ZNF223: variants seen among roughly 807,000 people sequenced by gnomAD.
ZNF223 encodes Homo sapiens zinc finger protein 223.
In ZNF223, 9 loss-of-function variants were observed where a neutral mutation model predicts 12.3. The ratio of observed to expected loss-of-function variants is 0.73; its 90% CI spans 0.44 to 1.28. The LOEUF is 1.28. ZNF223 is among the 50% of genes most tolerant of loss of function. The pLI, the probability that ZNF223 is intolerant of heterozygous loss-of-function variation, is 0.00. For synonymous variants in ZNF223, 171 were observed against 195.2 expected, an observed-to-expected ratio of 0.88 and a Z score of 1.03; for missense variants, 506 against 579.0, an observed-to-expected ratio of 0.87 and a Z score of 1.29.
At chr19:44,053,671 C>G (rs1599866451) in intron 1 of ZNF223, among the ~76,000 whole-genome samples, 3 of 152,290 alleles carry the variant, frequency 2.0e-5, no homozygotes, top group Non-Finnish European at 4.4e-5. Context: ...TCAGCACAGA[C>G]CCCTTATGGG....
intron 4 of ZNF223, among the ~76,000 whole-genome samples, chr19:44,064,402 G>T (rs1976878854): frequency 6.6e-6 from 1 of 152,106 alleles, no homozygotes; most frequent in Non-Finnish European, 1.5e-5. Flanking sequence ...CAGAACTGCA[G>T]TTGTCTGTCT....
At chr19:44,054,073 C>T (rs1189604056) in intron 1 of ZNF223, among the ~76,000 whole-genome samples, 1 of 152,084 alleles carries the variant, frequency 6.6e-6, no homozygotes, top group Non-Finnish European at 1.5e-5. Flanking sequence ...ACAGTAACAG[C>T]CTGATCTCTT....
Position 44,060,846 on chromosome 19 carries a change from G to C in ZNF223, c.235+5G>C. The C allele has an allele frequency of 6.2e-7, 1 of 1,610,330 alleles. No homozygotes were observed. Among genetic ancestry groups the C allele is most frequent in the Non-Finnish European group, 8.5e-7 (1 of 1,177,224 alleles). On this transcript the variant is annotated splice_donor_5th_base_variant and intron_variant, in intron 4 of 4. Transcript: ENST00000434772. ...CCCAAAGGGAAGGGAATTCAGGTAA[G>C]AAGCACGCAACTGTGTGTCCTTGTT...
Position 44,060,590 on chromosome 19 carries a change from A to G in ZNF223, c.142+9A>G, listed in dbSNP as rs1362000813. ...GAACCTGCTGTCAGTGGGTGAGGAC[A>G]GGCATCTTCTATAAGGGAATGTCAG... On this transcript the variant is annotated intron_variant, in intron 3 of 4. Transcript: ENST00000434772. 1.2e-6 allele frequency: 2 copies of G among 1,613,944 alleles called. No homozygotes were observed. The highest frequency in any genetic ancestry group is 2.2e-5 in the East Asian group (1 of 44,888).
intron 4 of ZNF223, among the ~76,000 whole-genome samples, chr19:44,062,142 G>A (rs1976849550): frequency 6.6e-6 from 1 of 152,104 alleles, no homozygotes; most frequent in Non-Finnish European, 1.5e-5. Context: ...AGGAATCATG[G>A]AGCTAGCTAA....
Position 44,066,578 on chromosome 19 carries a change from T to C in ZNF223, c.750T>C (p.His250=). 1.2e-6 allele frequency: 2 copies of C among 1,614,164 alleles called. No homozygotes were observed. Among genetic ancestry groups the C allele is most frequent in the Non-Finnish European group, 1.7e-6 (2 of 1,180,026 alleles). The change falls in exon 5 of 5, where the codon CAT becomes CAC. Residue 250 remains histidine (H), a synonymous_variant. Transcript: ENST00000434772. The part of the protein sequence containing the change: ...GFRCRSALTV[H]CKLHMGEKHY... ...GATGTAGATCAGCACTTACAGTTCA[T>C]TGCAAATTACACATGGGAGAGAAAC... is the stretch of plus-strand genomic sequence containing the variant.
intron 4 of ZNF223, among the ~76,000 whole-genome samples, chr19:44,063,946 T>C (rs993858676): frequency 5.9e-5 from 9 of 152,192 alleles, no homozygotes; most frequent in African/African-American, 1.9e-4. Context: ...ATTAATATTT[T>C]CCAAGTTTCA....
Position 44,067,735 on chromosome 19 carries a change from T to G in ZNF223, c.*458T>G. 1 of 286,266 alleles carries G rather than the reference T, an allele frequency of 3.5e-6. No individual in the cohort carries two copies. Among genetic ancestry groups the G allele is most frequent in the East Asian group, 7.9e-5 (1 of 12,700 alleles). 17.7% of individuals were successfully genotyped at this position (286,266 alleles called of 1,614,324 possible). On this transcript the variant is annotated 3_prime_UTR_variant, in exon 5 of 5. Transcript: ENST00000434772. ...TAACAGAAGTTTGACAATTAGTTATTATTCAGGAGACAGGTCTTAGTATAA... is the reference window on the plus strand; with the variant it reads ...TAACAGAAGTTTGACAATTAGTTATGATTCAGGAGACAGGTCTTAGTATAA...
At chr19:44,061,114 G>A (rs1298730745) in intron 4 of ZNF223, among the ~76,000 whole-genome samples, 3 of 152,098 alleles carry the variant, frequency 2.0e-5, no homozygotes, top group Non-Finnish European at 2.9e-5. Context: ...GCCTCTTTAA[G>A]TTGCTTCTAG....
In ZNF223 at chr19:44,067,615, GT is replaced by G; in HGVS notation, c.*339del. 2.5e-6 allele frequency: 1 copy of G among 406,714 alleles called. No homozygotes were observed. The highest frequency in any genetic ancestry group is 3.2e-5 in the Admixed American group (1 of 31,340). The allele number at this position is 406,714 out of a possible 1,614,324, so 25.2% of individuals were successfully genotyped here. ...AAATCAGCTTTTTAAGCTTCCCCAT[GT>G]GATTGAGGACAGTTTGAAGTTAGTG... On this transcript the variant is annotated 3_prime_UTR_variant, in exon 5 of 5. Coordinates refer to ENST00000434772, the MANE Select transcript of ZNF223 (RefSeq NM_013361.6).
rs1976926267 is a variant in ZNF223, at chr19:44,066,953, CAA to C, written c.1126_1127del (p.Lys376ValfsTer8). 2 of 1,614,128 alleles carry C rather than the reference CAA, an allele frequency of 1.2e-6. No homozygotes were observed. The highest frequency in any genetic ancestry group is 2.7e-5 in the African/African-American group (2 of 75,030). ...HTGEKPYKCD[K>X]CGKSYITKSG... ...CTGGAGAAAAGCCATACAAATGTGA[CAA>C]GTGTGGGAAGAGCTACATTACTAAG... On this transcript the variant is annotated frameshift_variant, in exon 5 of 5. Transcript: ENST00000434772. LOFTEE classifies it low-confidence loss of function (END_TRUNC).
chr19:44,060,933 C>G, intron 4 of ZNF223, 92 bp downstream of exon 4: 1 of 1,245,060 alleles, frequency 8.0e-7, no homozygotes. Flanking sequence ...TCTAAATGGC[C>G]AAACATCTTT....
At chr19:44,064,089 T>G (rs1457571609) in intron 4 of ZNF223, among the ~76,000 whole-genome samples, 1 of 152,180 alleles carries the variant, frequency 6.6e-6, no homozygotes, top group Admixed American at 6.5e-5. Context: ...CCTGGACAGT[T>G]TTCATGCATG....
chr19:44,060,779 A>T lies in ZNF223; in HGVS notation c.173A>T (p.His58Leu), dbSNP rs761058579. Residue 58 changes from histidine to leucine, a missense_variant, in exon 4 of 5, where the codon CAC becomes CTC. Coordinates refer to ENST00000434772, the MANE Select transcript of ZNF223 (RefSeq NM_013361.6). ...CAACCATTCCACCGAGATACTTTCC[A>T]CTTTCTAAGGGAGGAAAAGTTTTGG... ...GHQPFHRDTF[H>L]FLREEKFWMM... 2 of 1,613,916 alleles carry T rather than the reference A, an allele frequency of 1.2e-6. No homozygotes were observed.
At chr19:44,054,735 T>G (rs1268508735) in intron 1 of ZNF223, among the ~76,000 whole-genome samples, 1 of 152,226 alleles carries the variant, frequency 6.6e-6, no homozygotes, top group African/African-American at 2.4e-5. Flanking sequence ...TTAGAACAAC[T>G]GCTAACCTAC....
chr19:44,063,872 G>C (rs1464793955), intron 4 of ZNF223, among the ~76,000 whole-genome samples: 1 of 152,128 alleles, frequency 6.6e-6, no homozygotes, highest in Admixed American at 6.5e-5. Context: ...TTTTCACTTA[G>C]GGCTGAGGTT....
At chr19:44,054,151 G>A (rs1435129608) in intron 1 of ZNF223, among the ~76,000 whole-genome samples, 1 of 151,812 alleles carries the variant, frequency 6.6e-6, no homozygotes. Context: ...GGATTCCACA[G>A]GAGTGTTAAG....
rs759917952 is a variant in ZNF223, at chr19:44,066,942, T to G, written c.1114T>G (p.Tyr372Asp). The G allele has an allele frequency of 1.2e-6, 2 of 1,614,038 alleles. No homozygotes were observed. Among genetic ancestry groups the G allele is most frequent in the African/African-American group, 1.3e-5 (1 of 74,918 alleles). The stretch of plus-strand genomic sequence containing the variant: ...GCGAGTCCACACTGGAGAAAAGCCA[T>G]ACAAATGTGACAAGTGTGGGAAGAG... ...HQRVHTGEKPYKCDKCGKSYI... is the reference protein window; with the variant it reads ...HQRVHTGEKPDKCDKCGKSYI... The change falls in exon 5 of 5, where the codon TAC (tyrosine) becomes GAC (aspartate). Residue 372 changes from tyrosine to aspartate, a missense_variant. Physicochemically the swap from Tyr to Asp is radical, Grantham distance 160. Transcript: ENST00000434772.
Position 44,066,569 on chromosome 19 carries a change from T to TA in ZNF223, c.742dup (p.Thr248AsnfsTer14). 6.2e-7 allele frequency: 1 copy of TA among 1,614,160 alleles called. No homozygotes were observed. The highest frequency in any genetic ancestry group is 1.1e-5 in the South Asian group (1 of 91,080). On this transcript the variant is annotated frameshift_variant, in exon 5 of 5. Coordinates refer to ENST00000434772, the MANE Select transcript of ZNF223 (RefSeq NM_013361.6). LOFTEE classifies it low-confidence loss of function (END_TRUNC). ...GAGGCTTCAGATGTAGATCAGCACT[T>TA]ACAGTTCATTGCAAATTACACATGG...
Sources: gnomAD v4.1 joint callset for allele counts (sites outside exome capture counted in the v4.1 genomes callset) on GRCh38, gnomAD v4.1.1 for gene constraint, MANE v1.5 for transcripts, NCBI Gene and HGNC (gene_info 2026-07-23, HGNC 2026-07-21) for gene names.